The following KNOP1 variants were observed in gnomAD, a reference collection of about 807,000 sequenced individuals.
The protein encoded by KNOP1 is lysine rich nucleolar protein 1, also known as lysine-rich nucleolar protein 1.
KNOP1 carries 20 observed loss-of-function variants against 30.6 expected under a neutral mutation model. That is an observed-to-expected ratio of 0.65 (90% CI 0.46 to 0.95). KNOP1 has a LOEUF of 0.95. Among genes scored for constraint, KNOP1 ranks in the 40% least tolerant of loss-of-function variants. KNOP1 has a pLI of 0.00. For missense variants in KNOP1, 540 were observed against 562.0 expected (o/e 0.96, Z 0.40); for synonymous variants, 204 against 210.0 (o/e 0.97, Z 0.25).
intron 1 of KNOP1, chr16:19,716,589 C>T (rs1033730576): frequency 6.6e-6 from 1 of 152,116 alleles, no homozygotes. Context: ...CTGACACGGG[C>T]GACATAAAGT....
intron 4 of KNOP1, 99 bp downstream of exon 4, chr16:19,710,410 T>C: frequency 8.4e-7 from 1 of 1,190,664 alleles, no homozygotes; most frequent in Non-Finnish European, 1.3e-6. Flanking sequence ...GGCCTGGACA[T>C]ACTTGGTTCT....
At position 19,705,321 on chromosome 16, in the gene KNOP1, C is replaced by T. The variant is rs932988612; in HGVS notation, c.*1589G>A. The T allele has an allele frequency of 1.6e-5, 7 of 450,376 alleles. No homozygotes were observed. The highest frequency in any genetic ancestry group is 6.0e-5 in the African/African-American group (3 of 49,864). 27.9% of individuals were successfully genotyped at this position (450,376 alleles called of 1,614,324 possible). On this transcript the variant is annotated 3_prime_UTR_variant, in exon 5 of 5. Transcript: ENST00000219837. The stretch of plus-strand genomic sequence containing the variant: ...CTGTAGGAGGCATGTTCAGGCCAAA[C>T]GATCGTGAAAATGTCCCAGTCAGAA...
At position 19,714,448 on chromosome 16, in the gene KNOP1, C is replaced by A; in HGVS notation, c.588G>T (p.Leu196Phe). The change falls in exon 2 of 5, where the codon TTG becomes TTT. Residue 196 changes from leucine to phenylalanine, a missense_variant. Transcript: ENST00000219837. Reference protein sequence around the residue: ...VGKKDEEQAALGQKRKRKSPR... With the variant: ...VGKKDEEQAAFGQKRKRKSPR... ...GGCTCTTCCGCTTCCGTTTCTGCCC[C>A]AAGGCTGCCTGTTCCTCATCCTTCT... The A allele has an allele frequency of 2.5e-6, 4 of 1,613,512 alleles. No individual in the cohort carries two copies. The highest frequency in any genetic ancestry group is 2.5e-6 in the Non-Finnish European group (3 of 1,180,022).
rs1690848449 is a variant in KNOP1, at chr16:19,704,907, A to T, written c.*2003T>A. 1 of 285,464 alleles carries T rather than the reference A, an allele frequency of 3.5e-6. No homozygotes were observed. The highest frequency in any genetic ancestry group is 6.9e-6 in the Non-Finnish European group (1 of 144,744). The allele number at this position is 285,464 out of a possible 1,614,324, so 17.7% of individuals were successfully genotyped here. A position where few individuals can be genotyped will look rare whatever the true frequency, so the allele number is the denominator to read the frequency against. ...GGTTCAGAGCCAGGGAAACTGCCTG[A>T]AGTGCCTGCCTCACCTCTGCCCAAT... On this transcript the variant is annotated 3_prime_UTR_variant, in exon 5 of 5. Transcript: ENST00000219837.
chr16:19,709,317 C>T (rs1222116800), intron 4 of KNOP1, among the ~76,000 whole-genome samples: 4 of 152,220 alleles, frequency 2.6e-5, no homozygotes, highest in Non-Finnish European at 4.4e-5. Context: ...TGAAGGCCAG[C>T]ATCGCTGGTC....
Position 19,705,146 on chromosome 16 carries a change from G to C in KNOP1, c.*1764C>G, listed in dbSNP as rs1169130824. The C allele has an allele frequency of 2.2e-6, 1 of 455,844 alleles. No individual in the cohort carries two copies. Among genetic ancestry groups the C allele is most frequent in the East Asian group, 6.9e-5 (1 of 14,404 alleles). The allele number at this position is 455,844 out of a possible 1,614,324, so 28.2% of individuals were successfully genotyped here. A position where few individuals can be genotyped will look rare whatever the true frequency, so the allele number is the denominator to read the frequency against. On this transcript the variant is annotated 3_prime_UTR_variant, in exon 5 of 5. Coordinates refer to ENST00000219837, the MANE Select transcript of KNOP1 (RefSeq NM_001012991.3). ...TGATATGCTGCCTGGAACTGTTACT[G>C]CCATCTTTGTACTAGCCTTGATGAA...
intron 3 of KNOP1, 130 bp from the exon 4 acceptor site, chr16:19,710,716 C>A: frequency 1.4e-6 from 1 of 714,030 alleles, no homozygotes; most frequent in Non-Finnish European, 2.5e-6. Flanking sequence ...CTGCTACAAA[C>A]AATGGGAAGC....
intron 1 of KNOP1, 25 bp downstream of exon 1, chr16:19,718,133 G>A: frequency 1.4e-6 from 2 of 1,445,618 alleles, no homozygotes; most frequent in Non-Finnish European, 1.8e-6. Flanking sequence ...GCGCCGGCCC[G>A]CCTGCAACGC....
At chr16:19,710,251 G>C in intron 4 of KNOP1, 1 of 564,864 alleles carries the variant, frequency 1.8e-6, no homozygotes, top group Non-Finnish European at 3.2e-6. Context: ...CACCCCACCA[G>C]TCCAGGGCTG....
rs2151639121 is a variant in KNOP1 at position 19,704,793 on chromosome 16, C to T, written c.*2117G>A. 6.0e-6 allele frequency: 1 copy of T among 166,902 alleles called. No individual in the cohort carries two copies. The highest frequency in any genetic ancestry group is 1.6e-4 in the South Asian group (1 of 6,188). 10.3% of individuals were successfully genotyped at this position (166,902 alleles called of 1,614,324 possible). On this transcript the variant is annotated 3_prime_UTR_variant, in exon 5 of 5. Coordinates refer to ENST00000219837, the MANE Select transcript of KNOP1 (RefSeq NM_001012991.3). ...TTGAATCCAGGAAAGAAAGGCAGGA[C>T]AAGTTCACGTCCTGAGGGAAGTGGC...
At chr16:19,707,724 C>T (rs1409397787) in intron 4 of KNOP1, among the ~76,000 whole-genome samples, 1 of 121,392 alleles carries the variant, frequency 8.2e-6, no homozygotes. Context: ...ACTCCCCCCA[C>T]GACCCTACAC....
rs771889409 is a variant in KNOP1 at position 19,714,584 on chromosome 16, T to C, written c.452A>G (p.His151Arg). The change falls in exon 2 of 5, where the codon CAC becomes CGC. Residue 151 changes from histidine to arginine, a missense_variant. By Grantham distance (29) the His-to-Arg change is conservative (BLOSUM62 0). Transcript: ENST00000219837. Reference protein sequence around the residue: ...ETRVGKKLKKHKKEKKGAQDP... With the variant: ...ETRVGKKLKKRKKEKKGAQDP... The stretch of plus-strand genomic sequence containing the variant: ...CTGGGCCCCCTTTTTTTCCTTCTTG[T>C]GTTTTTTGAGCTTCTTGCCAACTCT... 4 of 1,614,106 alleles carry C rather than the reference T, an allele frequency of 2.5e-6. No individual in the cohort carries two copies. Among genetic ancestry groups the C allele is most frequent in the Non-Finnish European group, 3.4e-6 (4 of 1,180,016 alleles).
chr16:19,716,219 A>G lies in KNOP1; in HGVS notation c.-2-1182T>C, dbSNP rs1977060057. On this transcript the variant is annotated intron_variant, in intron 1 of 4. Transcript: ENST00000219837. ...CAGTGTCCTGCTCAGTGCCTGGCAC[A>G]TAGCAGGTGCTCAATACATACTCAC... Among the ~76,000 whole-genome samples, 3 of 152,342 alleles carry G rather than the reference A, an allele frequency of 2.0e-5. No individual in the cohort carries two copies. The South Asian group carries it at 6.2e-4, about 32-fold the overall frequency.
Position 19,703,469 on chromosome 16 carries a change from C to T in KNOP1, c.*3441G>A, listed in dbSNP as rs1336323715. 6.6e-6 allele frequency: 1 copy of T among 152,108 alleles called. No homozygotes were observed. The highest frequency in any genetic ancestry group is 2.1e-4 in the South Asian group (1 of 4,822). The allele number at this position is 152,108 out of a possible 1,614,324, so 9.4% of individuals were successfully genotyped here. A position where few individuals can be genotyped will look rare whatever the true frequency, so the allele number is the denominator to read the frequency against. On this transcript the variant is annotated 3_prime_UTR_variant, in exon 5 of 5. Transcript: ENST00000219837. ...TAGCAAACTTAATTCCCTTTTGTTT[C>T]GTAACCTAACAAATACACAGGTTCT...
Position 19,714,917 on chromosome 16 carries a change from T to G in KNOP1, c.119A>C (p.Asp40Ala). 1 of 1,613,810 alleles carries G rather than the reference T, an allele frequency of 6.2e-7. No homozygotes were observed. Among genetic ancestry groups the G allele is most frequent in the Non-Finnish European group, 8.5e-7 (1 of 1,179,900 alleles). Residue 40 changes from aspartate to alanine, a missense_variant, in exon 2 of 5, where the codon GAT becomes GCT. Physicochemically the swap from Asp to Ala is moderately radical, Grantham distance 126 (BLOSUM62 -2). Transcript: ENST00000219837. ...GGATGTAGCTCTTAAAGGAGAAACA[T>G]CAGCAAAGTAATCATCATTGTTTAA... Reference protein sequence around the residue: ...SVLNNDDYFADVSPLRATSPS... With the variant: ...SVLNNDDYFAAVSPLRATSPS...
In KNOP1 at chr16:19,705,309, G is replaced by A. The variant is rs1380038959; in HGVS notation, c.*1601C>T. ...GGGCTGGGATGTCTGTAGGAGGCATGTTCAGGCCAAACGATCGTGAAAATG... is the reference window on the plus strand; with the variant it reads ...GGGCTGGGATGTCTGTAGGAGGCATATTCAGGCCAAACGATCGTGAAAATG... On this transcript the variant is annotated 3_prime_UTR_variant, in exon 5 of 5. Coordinates refer to ENST00000219837, the MANE Select transcript of KNOP1 (RefSeq NM_001012991.3). The A allele has an allele frequency of 6.6e-6, 3 of 453,870 alleles. No homozygotes were observed. The highest frequency in any genetic ancestry group is 4.7e-5 in the Admixed American group (2 of 42,300). The allele number at this position is 453,870 out of a possible 1,614,324, so 28.1% of individuals were successfully genotyped here.
intron 2 of KNOP1, among the ~76,000 whole-genome samples, chr16:19,712,669 G>A (rs952110459): frequency 3.3e-5 from 5 of 152,226 alleles, no homozygotes; most frequent in Non-Finnish European, 7.3e-5. Flanking sequence ...AGGAGGATGA[G>A]ATGGGTTGAT....
At position 19,718,022 on chromosome 16, in the gene KNOP1, G is replaced by C. The variant is rs1001616322; in HGVS notation, c.-3+136C>G. 4 of 1,364,572 alleles carry C rather than the reference G, an allele frequency of 2.9e-6. No homozygotes were observed. The African/African-American group carries it at 4.5e-5, about 15-fold the overall frequency. 84.5% of individuals were successfully genotyped at this position (1,364,572 alleles called of 1,614,324 possible). On this transcript the variant is annotated intron_variant, in intron 1 of 4. Transcript: ENST00000219837. ...GGAGGCGGCGGCCTCAGGCCGGAGCGGGCGCACACCGACTGGAGGGGTCGG... is the reference window on the plus strand; with the variant it reads ...GGAGGCGGCGGCCTCAGGCCGGAGCCGGCGCACACCGACTGGAGGGGTCGG...
At chr16:19,717,397 G>C (rs890132551) in intron 1 of KNOP1, 1 of 985,548 alleles carries the variant, frequency 1.0e-6, no homozygotes, top group Non-Finnish European at 1.2e-6. Context: ...CAGAATAGGG[G>C]AGCAGTCAAG....
Sources: gnomAD v4.1 joint callset for allele counts (sites outside exome capture counted in the v4.1 genomes callset) on GRCh38, gnomAD v4.1.1 for gene constraint, MANE v1.5 for transcripts, NCBI Gene and HGNC (gene_info 2026-07-23, HGNC 2026-07-21) for gene names.